ENTREP2: variants seen among roughly 807,000 people sequenced by gnomAD.
ENTREP2 encodes protein ENTREP2.
chr15:29,603,742 G>T, the ENTREP2 span, among the ~76,000 whole-genome samples: 1 of 152,078 alleles, frequency 6.6e-6, no homozygotes, highest in African/African-American at 2.4e-5. Context: ...GGGTTCAAGC[G>T]ATTCTCCTGC....
chr15:29,347,878 G>T, the ENTREP2 span, among the ~76,000 whole-genome samples: 1 of 152,152 alleles, frequency 6.6e-6, no homozygotes, highest in South Asian at 2.1e-4. Flanking sequence ...GGTCAATTCA[G>T]ATTTTTAATT....
At chr15:29,138,679 G>C in the ENTREP2 span, among the ~76,000 whole-genome samples, 1 of 137,276 alleles carries the variant, frequency 7.3e-6, no homozygotes, top group Non-Finnish European at 1.6e-5. Flanking sequence ...GTGTCTCTGT[G>C]TGTATGTGTA....
chr15:29,196,636 C>T, the ENTREP2 span: 4 of 1,473,854 alleles, frequency 2.7e-6, no homozygotes, highest in South Asian at 1.3e-5. Flanking sequence ...GTGAGTGACA[C>T]AGTTCAGAAC....
the ENTREP2 span, among the ~76,000 whole-genome samples, chr15:29,650,896 G>A: frequency 6.6e-6 from 1 of 152,082 alleles, no homozygotes; most frequent in Non-Finnish European, 1.5e-5. Flanking sequence ...TGCACCTGTA[G>A]TCCTAACTAC....
the ENTREP2 span, among the ~76,000 whole-genome samples, chr15:29,655,491 T>C: frequency 6.6e-6 from 1 of 152,010 alleles, no homozygotes; most frequent in Non-Finnish European, 1.5e-5. Flanking sequence ...AACTAAAAAT[T>C]ACAAGACACA....
the ENTREP2 span, among the ~76,000 whole-genome samples, chr15:29,411,381 G>A: frequency 1.3e-5 from 2 of 151,872 alleles, no homozygotes; most frequent in African/African-American, 4.8e-5. Flanking sequence ...CTTAATTGAG[G>A]CCAATCTAGT....
the ENTREP2 span, among the ~76,000 whole-genome samples, chr15:29,162,286 A>G: frequency 2.0e-5 from 3 of 152,178 alleles, no homozygotes; most frequent in African/African-American, 7.2e-5. Flanking sequence ...ATTTGTAACA[A>G]TTTGAACAGG....
chr15:29,406,368 G>A, the ENTREP2 span, among the ~76,000 whole-genome samples: 6 of 152,088 alleles, frequency 3.9e-5, no homozygotes, highest in African/African-American at 1.2e-4. Context: ...CCAACATGGC[G>A]AAACCGCATC....
chr15:29,433,696 G>A, the ENTREP2 span, among the ~76,000 whole-genome samples: 1 of 151,196 alleles, frequency 6.6e-6, no homozygotes, highest in African/African-American at 2.4e-5. Flanking sequence ...AGTAGGGGAA[G>A]CCTCCCCAGA....
the ENTREP2 span, among the ~76,000 whole-genome samples, chr15:29,545,702 C>T: frequency 6.6e-6 from 1 of 152,148 alleles, no homozygotes; most frequent in Non-Finnish European, 1.5e-5. Context: ...CTGAAGGCCA[C>T]CCTTGTCTCT....
At chr15:29,472,428 A>AACACACAAC in the ENTREP2 span, among the ~76,000 whole-genome samples, 10 of 140,710 alleles carry the variant, frequency 7.1e-5, no homozygotes, top group South Asian at 9.7e-4. Flanking sequence ...CACAACACAC[A>AACACACAAC]ACACACACAC....
the ENTREP2 span, among the ~76,000 whole-genome samples, chr15:29,240,863 G>A: frequency 6.6e-6 from 1 of 152,144 alleles, no homozygotes; most frequent in Admixed American, 6.5e-5. Context: ...GCAGTGCCCT[G>A]CACACAGCAA....
At chr15:29,241,865 C>G in the ENTREP2 span, among the ~76,000 whole-genome samples, 3 of 152,052 alleles carry the variant, frequency 2.0e-5, no homozygotes, top group South Asian at 4.1e-4. Context: ...AGACCCCCCC[C>G]CACCACCACC....
the ENTREP2 span, among the ~76,000 whole-genome samples, chr15:29,487,445 G>C: frequency 2.6e-5 from 4 of 152,278 alleles, no homozygotes; most frequent in African/African-American, 4.8e-5. Context: ...TTCTCTCTCT[G>C]TTTTTCTCTG....
chr15:29,203,099 C>T, the ENTREP2 span, among the ~76,000 whole-genome samples: 6 of 152,206 alleles, frequency 3.9e-5, no homozygotes, highest in Non-Finnish European at 8.8e-5. Context: ...TACACTCCCA[C>T]AACAGTATAA....
chr15:29,571,437 G>A, the ENTREP2 span, among the ~76,000 whole-genome samples: 1 of 150,794 alleles, frequency 6.6e-6, no homozygotes, highest in Non-Finnish European at 1.5e-5. Context: ...CTGGGCCGCA[G>A]GTGTGGCGAA....
chr15:29,264,344 A>G, the ENTREP2 span, among the ~76,000 whole-genome samples: 1 of 151,906 alleles, frequency 6.6e-6, no homozygotes, highest in Non-Finnish European at 1.5e-5. Flanking sequence ...ATAATAAGAG[A>G]CCCATGGGTC....
the ENTREP2 span, among the ~76,000 whole-genome samples, chr15:29,171,888 A>G: frequency 6.6e-6 from 1 of 152,232 alleles, no homozygotes; most frequent in Non-Finnish European, 1.5e-5. Flanking sequence ...CACTACTGTC[A>G]TCTATAATCC....
chr15:29,305,489 C>T, the ENTREP2 span, among the ~76,000 whole-genome samples: 1 of 152,294 alleles, frequency 6.6e-6, no homozygotes, highest in Non-Finnish European at 1.5e-5. Flanking sequence ...ACCAGAGAAG[C>T]TGTGCTGGAG....
Sources: allele counts gnomAD v4.1 joint callset (sites outside exome capture counted in the v4.1 genomes callset), GRCh38; gene constraint gnomAD v4.1.1; transcripts MANE v1.5; gene names NCBI Gene and HGNC (gene_info 2026-07-23, HGNC 2026-07-21).